The following CATSPERE variants were observed in gnomAD, a reference collection of about 807,000 sequenced individuals.
CATSPERE encodes cation channel sperm-associated auxiliary subunit epsilon.
A neutral mutation model predicts 114.1 loss-of-function variants in CATSPERE; 93 were observed. The observed-to-expected ratio is 0.81, with a 90% CI of 0.69 to 0.97. The LOEUF (loss-of-function observed/expected upper bound fraction) is 0.97. Among genes scored for constraint, CATSPERE ranks in the 50% least tolerant of loss-of-function variants. The probability of loss-of-function intolerance (pLI) is 0.00; values close to 1 mark genes in which losing one functional copy is unlikely to be tolerated. For synonymous variants in CATSPERE, 341 were observed against 384.1 expected, an observed-to-expected ratio of 0.89 and a Z score of 1.31; for missense variants, 1,058 against 1,131.6, an observed-to-expected ratio of 0.93 and a Z score of 0.93.
In CATSPERE at chr1:244,612,450, A is replaced by G. The variant is rs142432150; in HGVS notation, c.2490+2124A>G. On this transcript the variant is annotated intron_variant, in intron 19 of 21. Coordinates refer to ENST00000366534, the MANE Select transcript of CATSPERE (RefSeq NM_001130957.2). ...CTGGGACTGTAAATTCTTAGGGAAA[A>G]CACTGAAGGACTCATAAGCAAGCGT... Among the ~76,000 whole-genome samples, 8 of 152,258 alleles carry G rather than the reference A, an allele frequency of 5.3e-5. No individual in the cohort carries two copies. In the East Asian group the frequency reaches 1.5e-3, roughly 29 times the overall value.
intron 17 of CATSPERE, among the ~76,000 whole-genome samples, chr1:244,600,164 T>C (rs1307990882): frequency 6.6e-6 from 1 of 152,062 alleles, no homozygotes; most frequent in Non-Finnish European, 1.5e-5. Flanking sequence ...TAACTAAGCT[T>C]GAAAGAAAGA....
Position 244,490,491 on chromosome 1 carries a change from T to C in CATSPERE, c.351+20T>C, listed in dbSNP as rs776794863. On this transcript the variant is annotated intron_variant, in intron 6 of 21. Transcript: ENST00000366534. ...ACCCAGGTAAAATATTTTTTAAATT[T>C]TGTATAGCCTTCATATATCACTAGT... 2.9e-6 allele frequency: 4 copies of C among 1,381,018 alleles called. No homozygotes were observed. Among genetic ancestry groups the C allele is most frequent in the South Asian group, 1.2e-5 (1 of 83,584 alleles). 85.5% of individuals were successfully genotyped at this position (1,381,018 alleles called of 1,614,324 possible).
rs1666491587 is a variant in CATSPERE, at chr1:244,583,207, C to A, written c.2010-657C>A. Among the ~76,000 whole-genome samples the A allele has an allele frequency of 2.6e-5, 4 of 151,900 alleles. No individual in the cohort carries two copies. In the South Asian group the frequency reaches 8.3e-4, roughly 32 times the overall value. On this transcript the variant is annotated intron_variant, in intron 12 of 21. Transcript: ENST00000366534. ...AAGGACACTTTTTATGTTTGTTTGT[C>A]CTCATTTTTTTTTGACAAAAAAAAC...
intron 8 of CATSPERE, among the ~76,000 whole-genome samples, chr1:244,550,383 C>T (rs1660416782): frequency 6.6e-6 from 1 of 152,126 alleles, no homozygotes; most frequent in African/African-American, 2.4e-5. Flanking sequence ...CAAAAAATTT[C>T]TGAAAAGCGT....
intron 17 of CATSPERE, among the ~76,000 whole-genome samples, chr1:244,595,359 A>G (rs539054483): frequency 9.9e-5 from 15 of 152,262 alleles, no homozygotes; most frequent in African/African-American, 3.6e-4. Context: ...GAAGACTTGC[A>G]TTTGAGCTAA....
intron 2 of CATSPERE, among the ~76,000 whole-genome samples, chr1:244,472,454 T>TA (rs977238635): frequency 6.6e-6 from 1 of 152,228 alleles, no homozygotes; most frequent in African/African-American, 2.4e-5. Context: ...CCATGGCTTT[T>TA]AAAAAATTTT....
chr1:244,543,349 C>T (rs3005989), intron 8 of CATSPERE, among the ~76,000 whole-genome samples: 151,083 of 152,186 alleles, frequency 0.99, 75,004 homozygotes, highest in Middle Eastern at 1. Flanking sequence ...TAGGGAAACC[C>T]GAAGGACATA....
intron 7 of CATSPERE, among the ~76,000 whole-genome samples, chr1:244,502,667 A>G (rs1674245109): frequency 6.6e-6 from 1 of 152,146 alleles, no homozygotes; most frequent in African/African-American, 2.4e-5. Context: ...TGGGCTCCCC[A>G]GAAGTGTGCT....
intron 11 of CATSPERE, among the ~76,000 whole-genome samples, chr1:244,581,306 T>G (rs1245380686): frequency 6.6e-6 from 1 of 152,236 alleles, no homozygotes; most frequent in African/African-American, 2.4e-5. Flanking sequence ...AAGATATCCT[T>G]AGGCATTTTA....
intron 17 of CATSPERE, among the ~76,000 whole-genome samples, chr1:244,597,670 TCA>T (rs1335851305): frequency 2.0e-5 from 3 of 151,684 alleles, no homozygotes; most frequent in South Asian, 4.2e-4. Flanking sequence ...CCATTGCCAA[TCA>T]CACACACACA....
rs555219909 is a variant in CATSPERE at position 244,600,115 on chromosome 1, C to T, written c.2304-5580C>T. ...ACGGGACTCCCTCCCGTGATAGACACGTCATCCTGCATAAAACATAACAAA... is the reference window on the plus strand; with the variant it reads ...ACGGGACTCCCTCCCGTGATAGACATGTCATCCTGCATAAAACATAACAAA... On this transcript the variant is annotated intron_variant, in intron 17 of 21. Transcript: ENST00000366534. 7.9e-5 allele frequency among the ~76,000 whole-genome samples: 12 copies of T among 152,208 alleles called. No homozygotes were observed. The East Asian group carries it at 1.5e-3, about 20-fold the overall frequency.
At position 244,544,662 on chromosome 1, in the gene CATSPERE, G is replaced by C. The variant is rs2148472416; in HGVS notation, c.537-7660G>C. Among the ~76,000 whole-genome samples the C allele has an allele frequency of 2.0e-5, 3 of 152,314 alleles. No homozygotes were observed. In the Middle Eastern group the frequency reaches 0.01, roughly 518 times the overall value. On this transcript the variant is annotated intron_variant, in intron 8 of 21. Transcript: ENST00000366534. Reference sequence around the variant, plus strand: ...TTGCAAAGACTAGTGCCACCATCAAGAAACTAGAAGATGCAGGGATGGTAT... The same window carrying C: ...TTGCAAAGACTAGTGCCACCATCAACAAACTAGAAGATGCAGGGATGGTAT...
intron 8 of CATSPERE, among the ~76,000 whole-genome samples, chr1:244,542,254 G>A (rs1658944148): frequency 6.6e-6 from 1 of 151,720 alleles, no homozygotes; most frequent in Non-Finnish European, 1.5e-5. Context: ...GCATTTAGCT[G>A]CATAGGGAGT....
intron 8 of CATSPERE, among the ~76,000 whole-genome samples, chr1:244,551,058 A>G (rs576329690): frequency 6.6e-6 from 1 of 152,334 alleles, no homozygotes; most frequent in African/African-American, 2.4e-5. Context: ...ATAAAAATGA[A>G]TCTATCACCT....
intron 19 of CATSPERE, among the ~76,000 whole-genome samples, chr1:244,612,658 G>A (rs1670890159): frequency 6.6e-6 from 1 of 152,094 alleles, no homozygotes; most frequent in Non-Finnish European, 1.5e-5. Context: ...GGCTAGGGGA[G>A]ATTGATTGAT....
At chr1:244,567,636 T>C (rs1356977993) in intron 10 of CATSPERE, among the ~76,000 whole-genome samples, 1 of 151,874 alleles carries the variant, frequency 6.6e-6, no homozygotes, top group African/African-American at 2.4e-5. Flanking sequence ...TTGATCGATT[T>C]GGCTATTGAT....
chr1:244,470,970 A>G (rs1442600272), intron 2 of CATSPERE, among the ~76,000 whole-genome samples: 2 of 152,242 alleles, frequency 1.3e-5, no homozygotes, highest in Non-Finnish European at 2.9e-5. Context: ...AGGCAAATGT[A>G]TAGAGACAGA....
rs769422439 is a variant in CATSPERE, at chr1:244,605,732, A to C, written c.2341A>C (p.Asn781His). 9 of 1,613,590 alleles carry C rather than the reference A, an allele frequency of 5.6e-6. No homozygotes were observed. In the South Asian group the frequency reaches 9.9e-5, roughly 18 times the overall value. Residue 781 changes from asparagine to histidine, a missense_variant, in exon 18 of 22, where the codon AAT becomes CAT. Asn to His is a moderately conservative substitution (Grantham distance 68, BLOSUM62 1). Around this residue, in one of 2 missense-constraint regions of CATSPERE, gnomAD observed 787 missense variants for 905.6 expected, o/e 0.87. Coordinates refer to ENST00000366534, the MANE Select transcript of CATSPERE (RefSeq NM_001130957.2). ...TGGCTATGTTAAAGACGTTGAAGCA[A>C]ATTTCATAGTGTGGGAAATACACGG... ...DNGYVKDVEANFIVWEIHGRD... is the reference protein window; with the variant it reads ...DNGYVKDVEAHFIVWEIHGRD...
chr1:244,621,253 A>ACAGAATATTTATATAAATATATT lies in CATSPERE; in HGVS notation c.2648+3567_2648+3568insCAGAATATTTATATAAATATATT, dbSNP rs1672288584. 2.3e-4 allele frequency among the ~76,000 whole-genome samples: 9 copies of ACAGAATATTTATATAAATATATT among 38,582 alleles called. 3 individuals carry two copies. In the Admixed American group the frequency reaches 3.0e-3, roughly 13 times the overall value. The allele number at this position is 38,582 out of a possible 152,430, so 25.3% of individuals were successfully genotyped here. A position where few individuals can be genotyped will look rare whatever the true frequency, so the allele number is the denominator to read the frequency against. On this transcript the variant is annotated intron_variant, in intron 20 of 21. Transcript: ENST00000366534. ...AATATATTTATATAGATATATTTAT[A>ACAGAATATTTATATAAATATATT]TAGATATATTTATATAGATATATCT...
Sources: gnomAD v4.1 joint callset for allele counts (sites outside exome capture counted in the v4.1 genomes callset) on GRCh38, gnomAD v4.1.1 for gene constraint, gnomAD v4.1.1 regional missense constraint, MANE v1.5 for transcripts, NCBI Gene and HGNC (gene_info 2026-07-23, HGNC 2026-07-21) for gene names.